The following RELN variants were observed in gnomAD, a reference collection of about 807,000 sequenced individuals.
The protein encoded by RELN is reelin.
Under a neutral mutation model 427.6 loss-of-function variants are expected in RELN, and 108 were observed. The ratio of observed to expected loss-of-function variants is 0.25; its 90% confidence interval spans 0.22 to 0.30. RELN has a LOEUF of 0.30. Ranked by LOEUF, RELN falls within the 10% of genes least tolerant of loss-of-function variation. The pLI is 1.00. For synonymous variants in RELN, 1,524 were observed against 1,513.4 expected (o/e 1.01, Z -0.16); for missense variants, 3,715 against 4,302.8 (o/e 0.86, Z 3.82).
chr7:103,516,659 C>T (rs994794836), intron 49 of RELN, among the ~76,000 whole-genome samples: 2 of 152,086 alleles, frequency 1.3e-5, no homozygotes, highest in Non-Finnish European at 2.9e-5. Flanking sequence ...GATGCCTTTT[C>T]GTGTTTGCAG....
chr7:103,722,399 C>T (rs1790099342), intron 8 of RELN, among the ~76,000 whole-genome samples: 1 of 152,036 alleles, frequency 6.6e-6, no homozygotes, highest in South Asian at 2.1e-4. Flanking sequence ...AATTCTCATG[C>T]CATAGGAAAT....
intron 2 of RELN, among the ~76,000 whole-genome samples, chr7:103,838,072 G>A (rs777638808): frequency 1.6e-4 from 24 of 151,982 alleles, no homozygotes; most frequent in East Asian, 3.9e-4. Context: ...AGCTGGGTGT[G>A]GTGGTGGGCG....
chr7:103,941,601 A>C (rs1270691715), intron 1 of RELN, among the ~76,000 whole-genome samples: 1 of 152,208 alleles, frequency 6.6e-6, no homozygotes. Flanking sequence ...TCATTCTAAA[A>C]TTTTGAAAAA....
chr7:103,811,331 A>G (rs1201647818), intron 3 of RELN, among the ~76,000 whole-genome samples: 1 of 152,174 alleles, frequency 6.6e-6, no homozygotes, highest in African/African-American at 2.4e-5. Flanking sequence ...GTCATGCAGA[A>G]GGGCCTGGGT....
chr7:103,593,821 A>G lies in RELN; in HGVS notation c.3773T>C (p.Leu1258Ser). 1.2e-6 allele frequency: 2 copies of G among 1,613,972 alleles called. No homozygotes were observed. Among genetic ancestry groups the G allele is most frequent in the African/African-American group, 1.3e-5 (1 of 75,050 alleles). Residue 1258 changes from leucine (L) to serine (S), a missense_variant, in exon 27 of 65, where the codon TTG becomes TCG. Around this residue, in one of 4 missense-constraint regions of RELN, gnomAD observed 2,208 missense variants for 2,361.7 expected, o/e 0.93. Coordinates refer to ENST00000428762, the MANE Select transcript of RELN (RefSeq NM_005045.4). ...ATTTTTAACCATTCCTTCATTAGCC[A>G]ACATCAACCACACACTCATCTGATT... ...PMNQMSVWLM[L>S]ANEGMVKNET...
At chr7:103,762,340 C>T (rs4140848) in intron 4 of RELN, among the ~76,000 whole-genome samples, 26,549 of 152,224 alleles carry the variant, frequency 0.17, 2,505 homozygotes, top group East Asian at 0.31. Context: ...AAATAAACTT[C>T]TAGTCATTTA....
chr7:103,840,717 A>G (rs547546605), intron 2 of RELN, among the ~76,000 whole-genome samples: 1 of 152,206 alleles, frequency 6.6e-6, no homozygotes, highest in Non-Finnish European at 1.5e-5. Context: ...ACCATGAAAG[A>G]GATATACCAC....
intron 2 of RELN, among the ~76,000 whole-genome samples, chr7:103,912,058 T>C (rs544050855): frequency 6.6e-6 from 1 of 152,298 alleles, no homozygotes; most frequent in African/African-American, 2.4e-5. Context: ...AAATACTAGT[T>C]TTATGTTAAT....
chr7:103,786,913 C>A (rs1337091801), intron 3 of RELN, among the ~76,000 whole-genome samples: 5 of 152,098 alleles, frequency 3.3e-5, no homozygotes, highest in Non-Finnish European at 5.9e-5. Flanking sequence ...TTCTCAGCAC[C>A]ACATCACACT....
At chr7:103,773,792 T>A (rs1283476280) in intron 4 of RELN, among the ~76,000 whole-genome samples, 1 of 151,908 alleles carries the variant, frequency 6.6e-6, no homozygotes, top group African/African-American at 2.4e-5. Context: ...CTCTTAAACC[T>A]CACTACCCAT....
intron 31 of RELN, 46 bp downstream of exon 31, chr7:103,572,138 A>G (rs1265251001): frequency 1.4e-5 from 16 of 1,105,918 alleles, no homozygotes; most frequent in Non-Finnish European, 2.2e-5. Context: ...TAAAGGACTA[A>G]TCTGCCAATA....
chr7:103,984,843 G>A (rs1797064335), intron 1 of RELN, among the ~76,000 whole-genome samples: 1 of 152,090 alleles, frequency 6.6e-6, no homozygotes, highest in African/African-American at 2.4e-5. Flanking sequence ...TTTAGTAATG[G>A]CAAATTACTT....
intron 57 of RELN, among the ~76,000 whole-genome samples, chr7:103,492,326 C>T (rs988110191): frequency 9.9e-5 from 15 of 152,104 alleles, no homozygotes; most frequent in Non-Finnish European, 2.1e-4. Flanking sequence ...TAACATTAGT[C>T]AAATTTATAG....
intron 2 of RELN, among the ~76,000 whole-genome samples, chr7:103,835,200 G>A (rs909767027): frequency 6.6e-5 from 10 of 152,158 alleles, no homozygotes; most frequent in South Asian, 2.1e-4. Flanking sequence ...ATCTGAAAAG[G>A]CTACATAGTG....
chr7:103,832,305 T>C (rs1793292894), intron 3 of RELN, among the ~76,000 whole-genome samples: 1 of 152,174 alleles, frequency 6.6e-6, no homozygotes, highest in Non-Finnish European at 1.5e-5. Context: ...TGAACTGCCT[T>C]TGACTTTACA....
intron 6 of RELN, among the ~76,000 whole-genome samples, chr7:103,738,038 T>C (rs1790538035): frequency 6.6e-6 from 1 of 151,342 alleles, no homozygotes; most frequent in African/African-American, 2.4e-5. Flanking sequence ...TCTTCCCTGA[T>C]CTCTGCTGAG....
intron 2 of RELN, among the ~76,000 whole-genome samples, chr7:103,916,855 T>G (rs1218781429): frequency 6.6e-6 from 1 of 152,064 alleles, no homozygotes. Flanking sequence ...AGGGAGAGAA[T>G]GAAAGAAAGT....
In RELN at chr7:103,566,289, T is replaced by C. The variant is rs1285457623; in HGVS notation, c.4871A>G (p.Gln1624Arg). 2 of 1,613,982 alleles carry C rather than the reference T, an allele frequency of 1.2e-6. No individual in the cohort carries two copies. Among genetic ancestry groups the C allele is most frequent in the Admixed American group, 3.3e-5 (2 of 59,996 alleles). ...IDLQANWYRIQGGQVDIDCLS... is the reference protein window; with the variant it reads ...IDLQANWYRIRGGQVDIDCLS... ...ACAGTCAATATCAACTTGACCTCCT[T>C]GGATTCGATACCAGTTGGCTTGCAA... The change falls in exon 33 of 65, where the codon CAA becomes CGA. Residue 1624 changes from glutamine (Q) to arginine (R), a missense_variant. Coordinates refer to ENST00000428762, the MANE Select transcript of RELN (RefSeq NM_005045.4).
At chr7:103,806,909 T>C (rs1280232697) in intron 3 of RELN, among the ~76,000 whole-genome samples, 1 of 152,062 alleles carries the variant, frequency 6.6e-6, no homozygotes, top group Non-Finnish European at 1.5e-5. Flanking sequence ...ACACCTAGTG[T>C]TACAGGCTCC....
Sources: allele counts gnomAD v4.1 joint callset (sites outside exome capture counted in the v4.1 genomes callset), GRCh38; gene constraint gnomAD v4.1.1; regional missense constraint gnomAD v4.1.1; transcripts MANE v1.5; gene names NCBI Gene and HGNC (gene_info 2026-07-23, HGNC 2026-07-21).